The following NCOA1 variants were observed in gnomAD, a reference collection of about 807,000 sequenced individuals.
NCOA1 encodes the protein nuclear receptor coactivator 1, also known as Hin-2 protein.
In NCOA1, 35 loss-of-function variants were observed where a neutral mutation model predicts 150.9. That is an observed-to-expected ratio of 0.23 (90% CI 0.18 to 0.31). The LOEUF is 0.31. Ranked by LOEUF, NCOA1 falls within the 10% of genes least tolerant of loss-of-function variation. The pLI is 1.00. For missense variants in NCOA1, 1,491 were observed against 1,749.3 expected, an observed-to-expected ratio of 0.85 and a Z score of 2.63; for synonymous variants, 590 against 630.0, an observed-to-expected ratio of 0.94 and a Z score of 0.95.
intron 17 of NCOA1, among the ~76,000 whole-genome samples, chr2:24,734,012 C>T (rs1474790222): frequency 6.6e-6 from 1 of 151,816 alleles, no homozygotes; most frequent in African/African-American, 2.4e-5. Context: ...TGGTGAAGCC[C>T]CGTCTCTACT....
intron 1 of NCOA1, among the ~76,000 whole-genome samples, chr2:24,543,387 A>T (rs11692528): frequency 2.0e-5 from 3 of 152,086 alleles, no homozygotes. Context: ...TGCCCCCATG[A>T]CCCAAACACC....
At position 24,713,315 on chromosome 2, in the gene NCOA1, C is replaced by T. The variant is rs556023864; in HGVS notation, c.2599+2204C>T. On this transcript the variant is annotated intron_variant, in intron 14 of 22. Transcript: ENST00000348332. The stretch of plus-strand genomic sequence containing the variant: ...GAATTACACAAACAAGGGTGGGAAA[C>T]ATCAAAAAATATAAGAGAATTTTCT... 9.7e-4 allele frequency among the ~76,000 whole-genome samples: 146 copies of T among 151,022 alleles called. 1 individual carries two copies. The highest frequency in any genetic ancestry group is 3.4e-3 in the African/African-American group (139 of 41,272).
intron 1 of NCOA1, among the ~76,000 whole-genome samples, chr2:24,523,786 C>T (rs566169781): frequency 4.8e-5 from 7 of 145,554 alleles, no homozygotes; most frequent in South Asian, 2.2e-4. Context: ...ATCAGCTGGG[C>T]GTGGTGGCGC....
intron 10 of NCOA1, 98 bp downstream of exon 10, chr2:24,693,445 T>C (rs1488929206): frequency 2.9e-5 from 32 of 1,090,902 alleles, no homozygotes; most frequent in Non-Finnish European, 4.4e-5. Context: ...TTCTATGAGA[T>C]TTAGGCTTTG....
intron 3 of NCOA1, among the ~76,000 whole-genome samples, chr2:24,629,342 A>T (rs966823310): frequency 6.6e-6 from 1 of 152,136 alleles, no homozygotes; most frequent in African/African-American, 2.4e-5. Context: ...AATATTTTAG[A>T]TTTAGTAGTT....
chr2:24,745,250 C>T (rs978868476), intron 19 of NCOA1, among the ~76,000 whole-genome samples: 1 of 151,402 alleles, frequency 6.6e-6, no homozygotes, highest in Admixed American at 6.6e-5. Context: ...CAACCTCCAC[C>T]TCCCGGGTTC....
intron 19 of NCOA1, among the ~76,000 whole-genome samples, chr2:24,744,760 G>A (rs577497156): frequency 2.1e-4 from 32 of 152,232 alleles, no homozygotes; most frequent in African/African-American, 7.0e-4. Flanking sequence ...AGTTGTTTTG[G>A]TAAATAAAGT....
chr2:24,573,585 G>A (rs1376436831), intron 2 of NCOA1, among the ~76,000 whole-genome samples: 5 of 152,042 alleles, frequency 3.3e-5, no homozygotes, highest in Non-Finnish European at 7.4e-5. Context: ...TATTTATGAA[G>A]CTTATATCTA....
intron 12 of NCOA1, among the ~76,000 whole-genome samples, chr2:24,706,110 G>C (rs1277170864): frequency 6.6e-6 from 1 of 151,858 alleles, no homozygotes; most frequent in African/African-American, 2.4e-5. Context: ...TTCCTCTTTG[G>C]AGTTGAAATA....
intron 6 of NCOA1, among the ~76,000 whole-genome samples, chr2:24,668,425 GA>G (rs1280929044): frequency 6.6e-6 from 1 of 151,632 alleles, no homozygotes; most frequent in African/African-American, 2.4e-5. Flanking sequence ...CAAGAGAGAA[GA>G]AAAAACAGGT....
At chr2:24,518,243 C>G (rs376506749) in intron 1 of NCOA1, among the ~76,000 whole-genome samples, 25 of 151,948 alleles carry the variant, frequency 1.6e-4, no homozygotes, top group East Asian at 1.2e-3. Context: ...ATATGAACAT[C>G]TCAATAAATG....
chr2:24,665,896 A>C lies in NCOA1; in HGVS notation c.237A>C (p.Leu79=), dbSNP rs200704194. 8.8e-5 allele frequency: 137 copies of C among 1,558,218 alleles called. No individual in the cohort carries two copies. The Admixed American group carries it at 2.5e-3, about 28-fold the overall frequency. ...AGAAAACAGTCGATCAGATACAGCTAATGAAGAGAATGGAACAAGGTAAAA... is the reference window on the plus strand; with the variant it reads ...AGAAAACAGTCGATCAGATACAGCTCATGAAGAGAATGGAACAAGGTAAAA... ...ILKKTVDQIQ[L]MKRMEQEKST... Residue 79 remains leucine, a synonymous_variant, in exon 6 of 23, where the codon CTA becomes CTC. Transcript: ENST00000348332.
intron 1 of NCOA1, among the ~76,000 whole-genome samples, chr2:24,542,685 A>T (rs1460894021): frequency 6.6e-6 from 1 of 152,210 alleles, no homozygotes; most frequent in Non-Finnish European, 1.5e-5. Flanking sequence ...TAAGAGGAGA[A>T]GATGATGTAA....
intron 1 of NCOA1, among the ~76,000 whole-genome samples, chr2:24,507,637 A>C (rs944269813): frequency 6.6e-6 from 1 of 151,864 alleles, no homozygotes; most frequent in South Asian, 2.1e-4. Flanking sequence ...CATCATTAGA[A>C]TCTATGGTAG....
At chr2:24,709,108 T>C (rs1168502658) in intron 13 of NCOA1, among the ~76,000 whole-genome samples, 1 of 152,218 alleles carries the variant, frequency 6.6e-6, no homozygotes, top group Non-Finnish European at 1.5e-5. Context: ...TGTTTCTTGG[T>C]ACAATGAAAC....
At chr2:24,660,850 A>G (rs1042811349) in intron 5 of NCOA1, among the ~76,000 whole-genome samples, 3 of 152,038 alleles carry the variant, frequency 2.0e-5, no homozygotes, top group African/African-American at 7.2e-5. Flanking sequence ...ACCTGAGGTC[A>G]TAAGTTTGAG....
intron 1 of NCOA1, among the ~76,000 whole-genome samples, chr2:24,528,508 G>A (rs557619302): frequency 2.0e-5 from 3 of 151,694 alleles, no homozygotes; most frequent in Admixed American, 6.6e-5. Flanking sequence ...CACCACACCC[G>A]GTTAATTTTT....
At chr2:24,504,477 A>G (rs979558254) in intron 1 of NCOA1, among the ~76,000 whole-genome samples, 2 of 152,362 alleles carry the variant, frequency 1.3e-5, no homozygotes, top group South Asian at 2.1e-4. Flanking sequence ...TTGCCTTACT[A>G]TAGCAGAATT....
chr2:24,734,917 A>G (rs958064187), intron 17 of NCOA1, among the ~76,000 whole-genome samples: 14 of 152,234 alleles, frequency 9.2e-5, no homozygotes, highest in African/African-American at 2.2e-4. Flanking sequence ...TAGAAAGCCC[A>G]GAAACACACC....
Sources: gnomAD v4.1 joint callset for allele counts (sites outside exome capture counted in the v4.1 genomes callset) on GRCh38, gnomAD v4.1.1 for gene constraint, MANE v1.5 for transcripts, NCBI Gene and HGNC (gene_info 2026-07-23, HGNC 2026-07-21) for gene names.